PPARGC1B: variants seen among roughly 807,000 people sequenced by gnomAD.
The protein encoded by PPARGC1B is peroxisome proliferator-activated receptor gamma coactivator 1-beta.
Under a neutral mutation model 101.6 loss-of-function variants are expected in PPARGC1B, and 34 were observed. That is an observed-to-expected ratio of 0.33 (90% CI 0.25 to 0.45). The LOEUF (loss-of-function observed/expected upper bound fraction) is 0.45. Among genes scored for constraint, PPARGC1B ranks in the 20% least tolerant of loss-of-function variants. PPARGC1B has a pLI of 1.00. For missense variants in PPARGC1B, 1,234 were observed against 1,317.6 expected (o/e 0.94, Z 0.98); for synonymous variants, 548 against 539.3 (o/e 1.02, Z -0.22).
chr5:149,740,008 G>C (rs1215201327), intron 1 of PPARGC1B: 1 of 152,248 alleles, frequency 6.6e-6, no homozygotes, highest in Admixed American at 6.5e-5. Flanking sequence ...AGACCGAATT[G>C]CTACCCAGAT....
chr5:149,747,108 A>T (rs544293430), intron 1 of PPARGC1B, among the ~76,000 whole-genome samples: 2 of 152,074 alleles, frequency 1.3e-5, no homozygotes, highest in African/African-American at 4.8e-5. Flanking sequence ...CACGTAGTCT[A>T]ATTTGTCTAT....
rs762229674 is a variant in PPARGC1B, at chr5:149,833,057, G to T, written c.984G>T (p.Trp328Cys). The change falls in exon 5 of 12, where the codon TGG becomes TGT. Residue 328 changes from tryptophan (W) to cysteine (C), a missense_variant. This residue lies in a region of PPARGC1B where 734 missense variants were observed against 768.4 expected (regional missense o/e 0.96). Transcript: ENST00000309241. This position sits in a 1 kb window ranked among gnomAD's most constrained non-coding sequence, Gnocchi z 4.1. ...NPSQQVRSRP[W>C]SRHHSKASWA... ...CCCAGCAGGTCAGATCCCGGCCCTGGTCCCGGCACCACTCCAAAGCCTCCT... is the reference window on the plus strand; with the variant it reads ...CCCAGCAGGTCAGATCCCGGCCCTGTTCCCGGCACCACTCCAAAGCCTCCT... The T allele has an allele frequency of 3.7e-6, 6 of 1,613,798 alleles. No homozygotes were observed. The highest frequency in any genetic ancestry group is 1.1e-5 in the South Asian group (1 of 91,080).
chr5:149,828,367 C>T (rs1758610629), intron 3 of PPARGC1B, among the ~76,000 whole-genome samples: 1 of 152,174 alleles, frequency 6.6e-6, no homozygotes, highest in Non-Finnish European at 1.5e-5. Context: ...CTCTCTAAGC[C>T]TCGGCTTCCT....
At chr5:149,779,914 C>T (rs1335674411) in intron 1 of PPARGC1B, among the ~76,000 whole-genome samples, 1 of 152,180 alleles carries the variant, frequency 6.6e-6, no homozygotes, top group Non-Finnish European at 1.5e-5. Context: ...CCAGCCCCTT[C>T]CCCTGGCCTT....
chr5:149,857,808 C>T (rs1449785843), downstream of PPARGC1B: 1 of 152,218 alleles, frequency 6.6e-6, no homozygotes, highest in Admixed American at 6.5e-5. Context: ...TCTCACTGGC[C>T]TTCAATTTCC....
At chr5:149,823,707 G>A (rs1758393404) in intron 2 of PPARGC1B, among the ~76,000 whole-genome samples, 2 of 152,318 alleles carry the variant, frequency 1.3e-5, no homozygotes, top group South Asian at 4.1e-4. Flanking sequence ...GCGTGGGCAG[G>A]GATGGCTGCT....
At chr5:149,803,768 G>A (rs183977118) in intron 1 of PPARGC1B, among the ~76,000 whole-genome samples, 5 of 152,296 alleles carry the variant, frequency 3.3e-5, no homozygotes, top group Admixed American at 2.0e-4. Flanking sequence ...GTGTGGAAAC[G>A]TGTGATTCAG....
rs1454212975 is a variant in PPARGC1B at position 149,854,542 on chromosome 5, T to G, written c.*6984T>G. On this transcript the variant is annotated 3_prime_UTR_variant, in exon 12 of 12. Coordinates refer to ENST00000309241, the MANE Select transcript of PPARGC1B (RefSeq NM_133263.4). The stretch of plus-strand genomic sequence containing the variant: ...ACACTGCTAATGATTGAGAATCAAG[T>G]TTTTAGTTTTGCTATTTTTTTTAAT... 5 of 152,166 alleles carry G rather than the reference T, an allele frequency of 3.3e-5. No individual in the cohort carries two copies. The highest frequency in any genetic ancestry group is 6.5e-5 in the Admixed American group (1 of 15,290). The allele number at this position is 152,166 out of a possible 1,614,324, so 9.4% of individuals were successfully genotyped here.
At chr5:149,839,869 C>G (rs1239899125) in intron 8 of PPARGC1B, among the ~76,000 whole-genome samples, 172 bp from the exon 9 acceptor site, 1 of 152,174 alleles carries the variant, frequency 6.6e-6, no homozygotes, top group African/African-American at 2.4e-5. Context: ...ACACACAGCC[C>G]TGGGCCGTCG....
At chr5:149,745,735 G>A (rs1755062208) in intron 1 of PPARGC1B, among the ~76,000 whole-genome samples, 2 of 146,212 alleles carry the variant, frequency 1.4e-5, no homozygotes, top group Admixed American at 1.4e-4. Context: ...TTACAGATGG[G>A]AAAATAGAGG....
intron 4 of PPARGC1B, 92 bp downstream of exon 4, chr5:149,830,975 C>G (rs978965131): frequency 2.3e-6 from 2 of 852,514 alleles, no homozygotes; most frequent in Admixed American, 1.8e-5. Flanking sequence ...CAGTCAACCT[C>G]CAATATCTCT....
At chr5:149,810,586 A>T (rs1757815894) in intron 1 of PPARGC1B, among the ~76,000 whole-genome samples, 1 of 152,194 alleles carries the variant, frequency 6.6e-6, no homozygotes, top group Admixed American at 6.5e-5. Flanking sequence ...GGGTAAGGAG[A>T]TGACTGTAAG....
At chr5:149,771,963 CA>C in intron 1 of PPARGC1B, 1 of 1,336,070 alleles carries the variant, frequency 7.5e-7, no homozygotes, top group Non-Finnish European at 9.9e-7. Flanking sequence ...AATCCTCAAG[CA>C]ACTCTGAATT....
chr5:149,746,406 C>T (rs991140593), intron 1 of PPARGC1B, among the ~76,000 whole-genome samples: 1 of 152,192 alleles, frequency 6.6e-6, no homozygotes, highest in Non-Finnish European at 1.5e-5. Flanking sequence ...CATCAAGGCT[C>T]ATCTCTATTG....
chr5:149,843,319 T>G (rs1759423313), intron 10 of PPARGC1B, among the ~76,000 whole-genome samples: 1 of 152,214 alleles, frequency 6.6e-6, no homozygotes, highest in Admixed American at 6.5e-5. Flanking sequence ...TTTGAAATCT[T>G]TCTAAATTAT....
rs113598758 is a variant in PPARGC1B, at chr5:149,737,143, A to G, written c.78+6723A>G. ...AGTTTTGCCTTTTCCAGAATGTCAT[A>G]TAGTTGGAATCACGCAGTATGTAGT... On this transcript the variant is annotated intron_variant, in intron 1 of 11. Transcript: ENST00000309241. Among the ~76,000 whole-genome samples, 1,221 of 152,258 alleles carry G rather than the reference A, an allele frequency of 8.0e-3. 17 individuals carry two copies. The highest frequency in any genetic ancestry group is 0.027 in the African/African-American group (1,112 of 41,540).
intron 1 of PPARGC1B, among the ~76,000 whole-genome samples, chr5:149,782,368 C>T (rs935084719): frequency 6.6e-6 from 1 of 152,180 alleles, no homozygotes; most frequent in African/African-American, 2.4e-5. Context: ...CCTTCCTTCT[C>T]CCCAAGCAGT....
intron 2 of PPARGC1B, among the ~76,000 whole-genome samples, chr5:149,823,922 C>G (rs1000433548): frequency 2.0e-5 from 3 of 152,298 alleles, no homozygotes; most frequent in Admixed American, 6.5e-5. Flanking sequence ...GGTTCTAGTC[C>G]TTAGTCCTAC....
Position 149,845,538 on chromosome 5 carries a change from G to C in PPARGC1B, c.2817-222G>C, listed in dbSNP as rs149931224. On this transcript the variant is annotated intron_variant, in intron 10 of 11. Coordinates refer to ENST00000309241, the MANE Select transcript of PPARGC1B (RefSeq NM_133263.4). ...CTCATCTGAGGAGTGTCTGAGGCAAGATGTGATGGCCAACACCTGGCAGAC... is the reference window on the plus strand; with the variant it reads ...CTCATCTGAGGAGTGTCTGAGGCAACATGTGATGGCCAACACCTGGCAGAC... 2.5e-3 allele frequency: 1,380 copies of C among 551,306 alleles called. 14 individuals carry two copies. Among genetic ancestry groups the C allele is most frequent in the African/African-American group, 0.023 (1,227 of 53,296 alleles). The allele number at this position is 551,306 out of a possible 1,614,324, so 34.2% of individuals were successfully genotyped here.
Sources: gnomAD v4.1 joint callset for allele counts (sites outside exome capture counted in the v4.1 genomes callset) on GRCh38, gnomAD v4.1.1 for gene constraint, gnomAD v4.1.1 regional missense constraint, Gnocchi (gnomAD v3.1) non-coding constraint, MANE v1.5 for transcripts, NCBI Gene and HGNC (gene_info 2026-07-23, HGNC 2026-07-21) for gene names.